The following MGAT4B variants were observed in gnomAD, a reference collection of about 807,000 sequenced individuals.
MGAT4B encodes the protein N-acetylglucosaminyltransferase IVb.
Under a neutral mutation model 73.9 loss-of-function variants are expected in MGAT4B, and 38 were observed. The observed-to-expected ratio is 0.51, with a 90% CI of 0.40 to 0.67. MGAT4B has a LOEUF of 0.67. Among genes scored for constraint, MGAT4B ranks in the 30% least tolerant of loss-of-function variants. MGAT4B has a pLI of 0.00. For synonymous variants in MGAT4B, 373 were observed against 313.5 expected (o/e 1.19, Z -2.01); for missense variants, 686 against 735.2 (o/e 0.93, Z 0.77).
In MGAT4B at chr5:179,799,312, T is replaced by A; in HGVS notation, c.1042-2A>T. 1 of 1,613,486 alleles carries A rather than the reference T, an allele frequency of 6.2e-7. No individual in the cohort carries two copies. The highest frequency in any genetic ancestry group is 8.5e-7 in the Non-Finnish European group (1 of 1,179,894). ...GGCTTTCTGCCGGTCACAGTGCTTC[T>A]GTGGAGGGTGGGCAACACCCCAGGG... On this transcript the variant is annotated splice_acceptor_variant, in intron 9 of 14. Coordinates refer to ENST00000292591, the MANE Select transcript of MGAT4B (RefSeq NM_014275.5). LOFTEE classifies it high-confidence loss of function.
intron 7 of MGAT4B, 25 bp downstream of exon 7, chr5:179,800,159 G>A: frequency 6.2e-7 from 1 of 1,613,060 alleles, no homozygotes; most frequent in Non-Finnish European, 8.5e-7. Flanking sequence ...GGGCAGGGCA[G>A]GGCAACGCAG....
chr5:179,799,205 T>C lies in MGAT4B; in HGVS notation c.1147A>G (p.Lys383Glu). The C allele has an allele frequency of 6.2e-7, 1 of 1,613,958 alleles. No individual in the cohort carries two copies. Among genetic ancestry groups the C allele is most frequent in the Non-Finnish European group, 8.5e-7 (1 of 1,180,018 alleles). ...SSLAGKIQKL[K>E]DKDFGKQALR... ...GGAGAGCGTGCAGTGCAGCCCACCTTCAGTTTCTGGATCTTGCCAGCCAGC... is the reference window on the plus strand; with the variant it reads ...GGAGAGCGTGCAGTGCAGCCCACCTCCAGTTTCTGGATCTTGCCAGCCAGC... Residue 383 changes from lysine (K) to glutamate (E), a missense_variant and splice_region_variant, in exon 10 of 15, where the codon AAG (lysine) becomes GAG (glutamate). By Grantham distance (56) the Lys-to-Glu change is moderately conservative. Around this residue, in one of 2 missense-constraint regions of MGAT4B, gnomAD observed 449 missense variants for 536.8 expected, o/e 0.84. Transcript: ENST00000292591.
In MGAT4B at chr5:179,801,453, C is replaced by T. The variant is rs758749415; in HGVS notation, c.439G>A (p.Gly147Ser). Residue 147 changes from glycine (G) to serine (S), a missense_variant, in exon 4 of 15, where the codon GGC becomes AGC. Coordinates refer to ENST00000292591, the MANE Select transcript of MGAT4B (RefSeq NM_014275.5). This position sits in a 1 kb window ranked among gnomAD's most constrained non-coding sequence, Gnocchi z 4.8. ...QGRTGVSVVMGIPSVRREVHS... is the reference protein window; with the variant it reads ...QGRTGVSVVMSIPSVRREVHS... ...ACCTCGCGCCGCACGCTCGGGATGC[C>T]CATCACCACCGACACTATGGGGGAC... 1 of 1,607,528 alleles carries T rather than the reference C, an allele frequency of 6.2e-7. No individual in the cohort carries two copies. The highest frequency in any genetic ancestry group is 8.5e-7 in the Non-Finnish European group (1 of 1,175,770).
chr5:179,802,704 G>A (rs1756998809), intron 1 of MGAT4B: 1 of 986,250 alleles, frequency 1.0e-6, no homozygotes, highest in Admixed American at 6.1e-5. Flanking sequence ...CAGGCATGAG[G>A]GCTGTAGGTG....
In MGAT4B at chr5:179,799,240, G is replaced by C; in HGVS notation, c.1112C>G (p.Thr371Ser). ...GATCTTGCCAGCCAGCGAGGAGTGA[G>C]TGCCCACGTGCTGGAAGAGGGACGG... Reference protein sequence around the residue: ...FKPSLFQHVGTHSSLAGKIQK... With the variant: ...FKPSLFQHVGSHSSLAGKIQK... The change falls in exon 10 of 15, where the codon ACT becomes AGT. Residue 371 changes from threonine to serine, a missense_variant. Physicochemically the swap from Thr to Ser is moderately conservative, Grantham distance 58. Coordinates refer to ENST00000292591, the MANE Select transcript of MGAT4B (RefSeq NM_014275.5). The C allele has an allele frequency of 1.9e-6, 3 of 1,614,034 alleles. No homozygotes were observed. Among genetic ancestry groups the C allele is most frequent in the Non-Finnish European group, 2.5e-6 (3 of 1,180,044 alleles).
chr5:179,801,429 C>A lies in MGAT4B; in HGVS notation c.463G>T (p.Val155Leu). Reference protein sequence around the residue: ...VMGIPSVRREVHSYLTDTLHS... With the variant: ...VMGIPSVRRELHSYLTDTLHS... ...AGAGTGTCAGTCAGGTACGAGTGCA[C>A]CTCGCGCCGCACGCTCGGGATGCCC... Residue 155 changes from valine (V) to leucine (L), a missense_variant, in exon 4 of 15, where the codon GTG (valine) becomes TTG (leucine). Coordinates refer to ENST00000292591, the MANE Select transcript of MGAT4B (RefSeq NM_014275.5). The surrounding 1 kb of genome is among the most constrained non-coding windows in gnomAD (Gnocchi z 4.8). 7 of 1,611,298 alleles carry A rather than the reference C, an allele frequency of 4.3e-6. No homozygotes were observed. The highest frequency in any genetic ancestry group is 5.9e-6 in the Non-Finnish European group (7 of 1,178,630).
At chr5:179,803,077 G>A in intron 1 of MGAT4B, 1 of 985,508 alleles carries the variant, frequency 1.0e-6, no homozygotes, top group Non-Finnish European at 1.2e-6. Context: ...GTCACCTCAG[G>A]GCACACCCCT....
rs1235853389 is a variant in MGAT4B at position 179,806,612 on chromosome 5, G to A, written c.-29C>T. 1.7e-4 allele frequency: 201 copies of A among 1,193,458 alleles called. No homozygotes were observed. Among genetic ancestry groups the A allele is most frequent in the Non-Finnish European group, 2.1e-4 (196 of 932,460 alleles). 73.9% of individuals were successfully genotyped at this position (1,193,458 alleles called of 1,614,324 possible). ...CTCGGGTGCGCGGCGGGCGCCCGCG[G>A]GGCCGAGGCTGCATGGCCCGGGGGA... On this transcript the variant is annotated 5_prime_UTR_variant, in exon 1 of 15. Coordinates refer to ENST00000292591, the MANE Select transcript of MGAT4B (RefSeq NM_014275.5). The surrounding 1 kb of genome is among the most constrained non-coding windows in gnomAD (Gnocchi z 4.6).
chr5:179,800,668 G>A (rs1020188865), intron 5 of MGAT4B, 71 bp from the exon 6 acceptor site: 5 of 1,228,284 alleles, frequency 4.1e-6, no homozygotes, highest in African/African-American at 1.5e-5. Context: ...ACCAGACTGT[G>A]GCCCTTTCTT....
intron 1 of MGAT4B, chr5:179,802,816 C>T (rs551693): frequency 5.1e-6 from 5 of 985,558 alleles, no homozygotes; most frequent in African/African-American, 1.7e-5. Flanking sequence ...CCTGGTGGCT[C>T]GGTGCCCACA....
Position 179,801,038 on chromosome 5 carries a change from G to C in MGAT4B, c.559-85C>G. 2.0e-6 allele frequency: 3 copies of C among 1,507,152 alleles called. No homozygotes were observed. Among genetic ancestry groups the C allele is most frequent in the Non-Finnish European group, 2.8e-6 (3 of 1,088,008 alleles). The allele number at this position is 1,507,152 out of a possible 1,614,324, so 93.4% of individuals were successfully genotyped here. ...GCTTGGAGAAGGGGCACAGGCTTCA[G>C]ATGCCCCCCACGTGGAGGGAGTGAG... On this transcript the variant is annotated intron_variant, in intron 4 of 14. Transcript: ENST00000292591. The surrounding 1 kb of genome is among the most constrained non-coding windows in gnomAD (Gnocchi z 4.8).
At chr5:179,802,661 C>T in intron 1 of MGAT4B, 2 of 986,422 alleles carry the variant, frequency 2.0e-6, no homozygotes, top group Non-Finnish European at 2.4e-6. Context: ...CATGCCACCC[C>T]AGGGGGCCCC....
chr5:179,801,020 G>T lies in MGAT4B; in HGVS notation c.559-67C>A. The stretch of plus-strand genomic sequence containing the variant: ...CCCAAAAGGCCTGGAAGGGCTTGGA[G>T]AAGGGGCACAGGCTTCAGATGCCCC... On this transcript the variant is annotated intron_variant, in intron 4 of 14. Coordinates refer to ENST00000292591, the MANE Select transcript of MGAT4B (RefSeq NM_014275.5). This position sits in a 1 kb window ranked among gnomAD's most constrained non-coding sequence, Gnocchi z 4.8. 1 of 1,571,592 alleles carries T rather than the reference G, an allele frequency of 6.4e-7. No individual in the cohort carries two copies. The highest frequency in any genetic ancestry group is 8.7e-7 in the Non-Finnish European group (1 of 1,143,070).
At position 179,801,424 on chromosome 5, in the gene MGAT4B, G is replaced by A; in HGVS notation, c.468C>T (p.His156=). The A allele has an allele frequency of 1.9e-6, 3 of 1,611,958 alleles. No homozygotes were observed. The highest frequency in any genetic ancestry group is 2.5e-6 in the Non-Finnish European group (3 of 1,179,064). The change falls in exon 4 of 15, where the codon CAC becomes CAT. Residue 156 remains histidine, a synonymous_variant. Coordinates refer to ENST00000292591, the MANE Select transcript of MGAT4B (RefSeq NM_014275.5). This position sits in a 1 kb window ranked among gnomAD's most constrained non-coding sequence, Gnocchi z 4.8. The part of the protein sequence containing the change: ...MGIPSVRREV[H]SYLTDTLHSL... ...AGTGCAGAGTGTCAGTCAGGTACGA[G>A]TGCACCTCGCGCCGCACGCTCGGGA...
chr5:179,806,440 C>G lies in MGAT4B; in HGVS notation c.97+47G>C. On this transcript the variant is annotated intron_variant, in intron 1 of 14. Transcript: ENST00000292591. The surrounding 1 kb of genome is among the most constrained non-coding windows in gnomAD (Gnocchi z 4.6). ...CCACCGCCGGGCCCGCTCCCGCCGC[C>G]GACGCCCAGGTGCGCCAGGTGCGGG... 1 of 1,145,448 alleles carries G rather than the reference C, an allele frequency of 8.7e-7. No homozygotes were observed. Among genetic ancestry groups the G allele is most frequent in the Non-Finnish European group, 1.1e-6 (1 of 913,178 alleles). The allele number at this position is 1,145,448 out of a possible 1,614,324, so 71.0% of individuals were successfully genotyped here. A position where few individuals can be genotyped will look rare whatever the true frequency, so the allele number is the denominator to read the frequency against.
chr5:179,801,394 G>A lies in MGAT4B; in HGVS notation c.498C>T (p.Leu166=). Residue 166 remains leucine, a synonymous_variant, in exon 4 of 15, where the codon CTC becomes CTT. Coordinates refer to ENST00000292591, the MANE Select transcript of MGAT4B (RefSeq NM_014275.5). The surrounding 1 kb of genome is among the most constrained non-coding windows in gnomAD (Gnocchi z 4.8). ...TCTCCTGCGGGCTCAGCTCGGAGAT[G>A]AGCGAGTGCAGAGTGTCAGTCAGGT... ...HSYLTDTLHS[L]ISELSPQEKE... The A allele has an allele frequency of 1.9e-6, 3 of 1,612,818 alleles. No individual in the cohort carries two copies. Among genetic ancestry groups the A allele is most frequent in the Non-Finnish European group, 2.5e-6 (3 of 1,179,606 alleles).
rs1435276573 is a variant in MGAT4B, at chr5:179,800,924, T to C, written c.588A>G (p.Thr196=). 3 of 1,613,666 alleles carry C rather than the reference T, an allele frequency of 1.9e-6. No homozygotes were observed. The highest frequency in any genetic ancestry group is 2.7e-5 in the African/African-American group (2 of 74,874). Residue 196 remains threonine (T), a synonymous_variant, in exon 5 of 15, where the codon ACA becomes ACG. Coordinates refer to ENST00000292591, the MANE Select transcript of MGAT4B (RefSeq NM_014275.5). The part of the protein sequence containing the change: ...ETDSQYTSAV[T]ENIKALFPTE... ...GTACTCACAAGGCCTTGATGTTCTC[T>C]GTCACTGCCGAAGTGTACTGTGAGT... is the stretch of plus-strand genomic sequence containing the variant.
Position 179,798,712 on chromosome 5 carries a change from CAA to C in MGAT4B, c.1344-123_1344-122del, listed in dbSNP as rs34944854. On this transcript the variant is annotated intron_variant, in intron 11 of 14. Transcript: ENST00000292591. ...CCCCCCAGGCAGCTGTCAGGCTGTG[CAA>C]AGAGACCAGGGCCTTCCTCTGGGAG... 790 of 1,224,482 alleles carry C rather than the reference CAA, an allele frequency of 6.5e-4. 5 individuals carry two copies. The African/African-American group carries it at 0.01, about 16-fold the overall frequency. 75.9% of individuals were successfully genotyped at this position (1,224,482 alleles called of 1,614,324 possible). A position where few individuals can be genotyped will look rare whatever the true frequency, so the allele number is the denominator to read the frequency against.
chr5:179,806,361 C>A lies in MGAT4B; in HGVS notation c.97+126G>T. 2.6e-6 allele frequency: 1 copy of A among 379,342 alleles called. No homozygotes were observed. The allele number at this position is 379,342 out of a possible 1,614,324, so 23.5% of individuals were successfully genotyped here. A position where few individuals can be genotyped will look rare whatever the true frequency, so the allele number is the denominator to read the frequency against. On this transcript the variant is annotated intron_variant, in intron 1 of 14. Coordinates refer to ENST00000292591, the MANE Select transcript of MGAT4B (RefSeq NM_014275.5). The surrounding 1 kb of genome is among the most constrained non-coding windows in gnomAD (Gnocchi z 4.6). The stretch of plus-strand genomic sequence containing the variant: ...GGGGAGGGTGGGAGGGGCGTCCTCG[C>A]GCCGCCCGGGCGGGGAAGGGGCGCC...
Sources: allele counts gnomAD v4.1 joint callset, GRCh38; gene constraint gnomAD v4.1.1; regional missense constraint gnomAD v4.1.1; non-coding constraint Gnocchi (gnomAD v3.1); transcripts MANE v1.5; gene names NCBI Gene and HGNC (gene_info 2026-07-23, HGNC 2026-07-21).